ROBO1: variants seen among roughly 807,000 people sequenced by gnomAD.
ROBO1 encodes the protein roundabout homolog 1.
In ROBO1, 149 loss-of-function variants were observed where a neutral mutation model predicts 195.9. That is an observed-to-expected ratio of 0.76 (90% CI 0.67 to 0.87). ROBO1 has a LOEUF of 0.87. Ranked by LOEUF, ROBO1 falls within the 40% of genes least tolerant of loss-of-function variation. The probability of loss-of-function intolerance (pLI) is 0.00; values close to 1 mark genes in which losing one functional copy is unlikely to be tolerated. For synonymous variants in ROBO1, 816 were observed against 733.2 expected (o/e 1.11, Z -1.82); for missense variants, 1,933 against 2,068.3 (o/e 0.93, Z 1.27).
chr3:78,893,764 T>C (rs1459256776), intron 4 of ROBO1, among the ~76,000 whole-genome samples: 1 of 152,122 alleles, frequency 6.6e-6, no homozygotes, highest in Non-Finnish European at 1.5e-5. Context: ...TAGATGCTTT[T>C]CCACAGTAAA....
chr3:79,537,699 C>T (rs909313178), intron 2 of ROBO1, among the ~76,000 whole-genome samples: 2 of 151,478 alleles, frequency 1.3e-5, no homozygotes, highest in Admixed American at 6.6e-5. Flanking sequence ...AACACGAGGA[C>T]ATAGGGAGGG....
chr3:79,530,074 C>A (rs934341399), intron 2 of ROBO1, among the ~76,000 whole-genome samples: 32 of 152,104 alleles, frequency 2.1e-4, no homozygotes, highest in African/African-American at 7.0e-4. Context: ...TTAAAACTCT[C>A]ACGTTATAAT....
At chr3:78,751,088 C>G (rs2082782693) in intron 4 of ROBO1, among the ~76,000 whole-genome samples, 1 of 152,156 alleles carries the variant, frequency 6.6e-6, no homozygotes, top group Non-Finnish European at 1.5e-5. Flanking sequence ...AGTCTCACCA[C>G]TATCCAATCT....
At chr3:78,659,397 C>T (rs1235465971) in intron 17 of ROBO1, among the ~76,000 whole-genome samples, 1 of 152,064 alleles carries the variant, frequency 6.6e-6, no homozygotes, top group African/African-American at 2.4e-5. Flanking sequence ...TTAATTTGCT[C>T]CTCAGAAGAA....
intron 2 of ROBO1, among the ~76,000 whole-genome samples, chr3:79,478,820 G>T (rs1195193854): frequency 6.6e-6 from 1 of 152,176 alleles, no homozygotes; most frequent in African/African-American, 2.4e-5. Flanking sequence ...TGACCCATGC[G>T]TGACTGTGTA....
At chr3:79,752,116 C>A (rs1053195680) in intron 1 of ROBO1, among the ~76,000 whole-genome samples, 1 of 152,038 alleles carries the variant, frequency 6.6e-6, no homozygotes, top group Non-Finnish European at 1.5e-5. Context: ...GAACAACACA[C>A]CATGGAAGCA....
intron 2 of ROBO1, among the ~76,000 whole-genome samples, chr3:79,535,410 T>C (rs1487936547): frequency 6.6e-6 from 1 of 152,150 alleles, no homozygotes; most frequent in Admixed American, 6.5e-5. Context: ...ACTGAGTTCA[T>C]GAGAAGAAAG....
chr3:79,703,603 A>G (rs1560114846), intron 1 of ROBO1, among the ~76,000 whole-genome samples: 2 of 151,914 alleles, frequency 1.3e-5, no homozygotes, highest in Admixed American at 6.6e-5. Flanking sequence ...TGTGTACTCT[A>G]TTAATGCCAT....
At chr3:78,861,254 G>C (rs936563490) in intron 4 of ROBO1, among the ~76,000 whole-genome samples, 3 of 152,074 alleles carry the variant, frequency 2.0e-5, no homozygotes, top group African/African-American at 7.2e-5. Context: ...GCTAGAAAGC[G>C]TCATATCTTG....
At chr3:78,847,448 T>C (rs9835958) in intron 4 of ROBO1, among the ~76,000 whole-genome samples, 43,093 of 151,968 alleles carry the variant, frequency 0.28, 7,534 homozygotes, top group South Asian at 0.49. Context: ...GTACCTGAAG[T>C]TGTACCTCAA....
intron 2 of ROBO1, among the ~76,000 whole-genome samples, chr3:79,575,758 TG>T (rs1943465659): frequency 6.6e-6 from 1 of 151,480 alleles, no homozygotes; most frequent in East Asian, 1.9e-4. Flanking sequence ...CATATTTAAG[TG>T]TTTTAACATA....
At chr3:78,959,104 C>T (rs749589571) in intron 3 of ROBO1, among the ~76,000 whole-genome samples, 1 of 151,992 alleles carries the variant, frequency 6.6e-6, no homozygotes, top group East Asian at 1.9e-4. Flanking sequence ...ACCGGCCCAC[C>T]CTTTCTTCTT....
intron 10 of ROBO1, among the ~76,000 whole-genome samples, chr3:78,674,277 T>A (rs1708263513): frequency 6.6e-6 from 1 of 152,206 alleles, no homozygotes; most frequent in Non-Finnish European, 1.5e-5. Flanking sequence ...AGCTGCTACT[T>A]CTGTGCTTCA....
At chr3:79,193,089 G>A (rs1024626664) in intron 2 of ROBO1, among the ~76,000 whole-genome samples, 1 of 151,758 alleles carries the variant, frequency 6.6e-6, no homozygotes, top group Non-Finnish European at 1.5e-5. Flanking sequence ...TACAGAAATA[G>A]GAAAGACTAG....
At chr3:78,892,718 T>C (rs1421051080) in intron 4 of ROBO1, among the ~76,000 whole-genome samples, 1 of 152,200 alleles carries the variant, frequency 6.6e-6, no homozygotes, top group Non-Finnish European at 1.5e-5. Context: ...ACTTAGTTCA[T>C]GTTTCTGAAC....
chr3:78,618,435 A>C (rs1704255069), intron 26 of ROBO1, among the ~76,000 whole-genome samples: 1 of 152,206 alleles, frequency 6.6e-6, no homozygotes, highest in Non-Finnish European at 1.5e-5. Flanking sequence ...ACTGACATTC[A>C]TCCTGAAACA....
intron 3 of ROBO1, among the ~76,000 whole-genome samples, chr3:79,010,551 C>T (rs1410829194): frequency 6.6e-6 from 1 of 152,068 alleles, no homozygotes; most frequent in African/African-American, 2.4e-5. Context: ...TCCGTGTATA[C>T]AACTGGGCCT....
chr3:79,154,282 G>A (rs1031709439), intron 2 of ROBO1, among the ~76,000 whole-genome samples: 2 of 151,638 alleles, frequency 1.3e-5, no homozygotes, highest in Non-Finnish European at 3.0e-5. Context: ...TCCATCACAC[G>A]ATACCATCAT....
At chr3:79,575,195 AAT>A (rs1430914470) in intron 2 of ROBO1, among the ~76,000 whole-genome samples, 1,189 of 50,820 alleles carry the variant, frequency 0.023, 60 homozygotes, top group African/African-American at 0.067. Flanking sequence ...CATATATATA[AAT>A]ATATATATAA....
Sources: allele counts gnomAD v4.1 joint callset (sites outside exome capture counted in the v4.1 genomes callset), GRCh38; gene constraint gnomAD v4.1.1; transcripts MANE v1.5; gene names NCBI Gene and HGNC (gene_info 2026-07-23, HGNC 2026-07-21).